The following DNAH14 variants were observed in gnomAD, a reference collection of about 807,000 sequenced individuals.
DNAH14 encodes dynein axonemal heavy chain 14, also known as axonemal beta dynein heavy chain 14.
DNAH14 carries 478 observed loss-of-function variants against 520.9 expected under a neutral mutation model. The ratio of observed to expected loss-of-function variants is 0.92; its 90% CI spans 0.85 to 0.99. DNAH14 has a LOEUF of 0.99. Ranked by LOEUF, DNAH14 falls within the 50% of genes least tolerant of loss-of-function variation. The pLI, the probability that DNAH14 is intolerant of heterozygous loss-of-function variation, is 0.00. For missense variants in DNAH14, 4,831 were observed against 5,234.5 expected (o/e 0.92, Z 2.38); for synonymous variants, 1,581 against 1,757.2 (o/e 0.90, Z 2.51).
chr1:224,979,821 G>T (rs2062133240), intron 8 of DNAH14, among the ~76,000 whole-genome samples: 1 of 152,136 alleles, frequency 6.6e-6, no homozygotes, highest in Non-Finnish European at 1.5e-5. Flanking sequence ...GTAGGAGAGG[G>T]TACCAGGCAG....
At position 225,360,871 on chromosome 1, in the gene DNAH14, G is replaced by C. The variant is rs1558518986; in HGVS notation, c.11967G>C (p.Arg3989Ser). 2.6e-6 allele frequency: 4 copies of C among 1,551,664 alleles called. No homozygotes were observed. Among genetic ancestry groups the C allele is most frequent in the Non-Finnish European group, 2.6e-6 (3 of 1,146,962 alleles). ...NCHLATSFMP[R>S]LCTIVESFNS... ...ATCTTGCAACATCATTTATGCCAAG[G>C]CTTTGCACAATTGTAGAATCGTAAG... Residue 3989 changes from arginine to serine, a missense_variant, in exon 75 of 86, where the codon AGG (arginine) becomes AGC (serine). Coordinates refer to ENST00000682510, the MANE Select transcript of DNAH14 (RefSeq NM_001367479.1).
chr1:225,073,713 G>T (rs575854435), intron 17 of DNAH14, among the ~76,000 whole-genome samples: 66 of 152,150 alleles, frequency 4.3e-4, no homozygotes, highest in Admixed American at 1.4e-3. Flanking sequence ...TTTTGACAGA[G>T]TCTTGCTCTG....
intron 73 of DNAH14, among the ~76,000 whole-genome samples, chr1:225,355,989 T>C (rs1310149038): frequency 6.6e-6 from 1 of 152,214 alleles, no homozygotes; most frequent in African/African-American, 2.4e-5. Context: ...CATAGCATGA[T>C]GTTTTCAAAG....
intron 69 of DNAH14, among the ~76,000 whole-genome samples, chr1:225,341,179 A>G (rs1450765034): frequency 1.3e-5 from 2 of 152,048 alleles, no homozygotes; most frequent in African/African-American, 4.8e-5. Flanking sequence ...ATCTCGGCTC[A>G]CTGCAACCTC....
At position 225,304,894 on chromosome 1, in the gene DNAH14, T is replaced by C. The variant is rs1299617729; in HGVS notation, c.8824-14T>C. ...ATTGCTTTCTCTTAATTCTTAAAAATTATTATTCTTCAGAACTTGAAAGAA... is the reference window on the plus strand; with the variant it reads ...ATTGCTTTCTCTTAATTCTTAAAAACTATTATTCTTCAGAACTTGAAAGAA... On this transcript the variant is annotated splice_polypyrimidine_tract_variant and intron_variant, in intron 57 of 85. Transcript: ENST00000682510. 2.7e-6 allele frequency: 4 copies of C among 1,499,784 alleles called. No homozygotes were observed. The highest frequency in any genetic ancestry group is 3.5e-6 in the Non-Finnish European group (4 of 1,131,304). 92.9% of individuals were successfully genotyped at this position (1,499,784 alleles called of 1,614,324 possible). A position where few individuals can be genotyped will look rare whatever the true frequency, so the allele number is the denominator to read the frequency against.
At chr1:225,258,622 C>A (rs2092823388) in intron 45 of DNAH14, among the ~76,000 whole-genome samples, 2 of 152,168 alleles carry the variant, frequency 1.3e-5, no homozygotes, top group Non-Finnish European at 2.9e-5. Context: ...GTATCATTTT[C>A]CCAGTTCCAT....
At chr1:225,037,904 A>G (rs891032706) in intron 11 of DNAH14, among the ~76,000 whole-genome samples, 1 of 152,050 alleles carries the variant, frequency 6.6e-6, no homozygotes, top group African/African-American at 2.4e-5. Flanking sequence ...CTGGTCTCCC[A>G]ACTCCTGACC....
intron 84 of DNAH14, among the ~76,000 whole-genome samples, chr1:225,395,072 T>C (rs1013790349): frequency 6.6e-6 from 1 of 152,184 alleles, no homozygotes; most frequent in Non-Finnish European, 1.5e-5. Flanking sequence ...GTGGAGTACA[T>C]AGAACTATCT....
At chr1:225,215,943 G>A (rs990654033) in intron 41 of DNAH14, among the ~76,000 whole-genome samples, 1 of 152,136 alleles carries the variant, frequency 6.6e-6, no homozygotes, top group Non-Finnish European at 1.5e-5. Flanking sequence ...TCATTATGAT[G>A]TTAGCTAGTT....
chr1:225,192,037 AT>A (rs1355781234), intron 37 of DNAH14, among the ~76,000 whole-genome samples: 1 of 152,066 alleles, frequency 6.6e-6, no homozygotes, highest in Non-Finnish European at 1.5e-5. Context: ...CAAGCTTAAG[AT>A]GAAAGTTTCA....
At chr1:225,377,158 C>A in intron 78 of DNAH14, 79 bp from the exon 79 acceptor site, 1 of 1,200,798 alleles carries the variant, frequency 8.3e-7, no homozygotes, top group Non-Finnish European at 1.1e-6. Context: ...AAGTAGGTAT[C>A]TTACTCTGGC....
At position 225,381,523 on chromosome 1, in the gene DNAH14, G is replaced by A; in HGVS notation, c.13021G>A (p.Glu4341Lys). 1 of 1,547,492 alleles carries A rather than the reference G, an allele frequency of 6.5e-7. No homozygotes were observed. The highest frequency in any genetic ancestry group is 2.0e-5 in the Admixed American group (1 of 49,646). Residue 4341 changes from glutamate (E) to lysine (K), a missense_variant, in exon 81 of 86, where the codon GAA becomes AAA. By Grantham distance (56) the Glu-to-Lys change is moderately conservative. Transcript: ENST00000682510. ...AIKGEIILTQ[E>K]LEEIFNSFLN... ...AAAAGGAGAGATCATCCTCACCCAA[G>A]AATTGGAGGAAATATTTAACTCTTT...
intron 27 of DNAH14, among the ~76,000 whole-genome samples, chr1:225,133,952 G>A (rs1388522116): frequency 6.6e-6 from 1 of 152,070 alleles, no homozygotes; most frequent in African/African-American, 2.4e-5. Context: ...TCCCTTGTTA[G>A]CTGTAATTCC....
chr1:225,295,685 G>C (rs1179022445), intron 55 of DNAH14, among the ~76,000 whole-genome samples: 1 of 152,164 alleles, frequency 6.6e-6, no homozygotes, highest in Non-Finnish European at 1.5e-5. Context: ...CAGTCATGCA[G>C]AATGTTCCGT....
chr1:225,193,613 G>A (rs535837273), intron 38 of DNAH14, among the ~76,000 whole-genome samples: 36 of 152,182 alleles, frequency 2.4e-4, no homozygotes, highest in Middle Eastern at 3.4e-3. Context: ...GGGAAAAGCT[G>A]GAAGCATTCC....
intron 10 of DNAH14, among the ~76,000 whole-genome samples, chr1:225,019,958 C>T (rs1038458725): frequency 6.6e-6 from 1 of 151,656 alleles, no homozygotes; most frequent in Non-Finnish European, 1.5e-5. Flanking sequence ...ACCAGAAAAA[C>T]AAGAGAAAAC....
chr1:225,177,078 A>T (rs2083413867), intron 36 of DNAH14, among the ~76,000 whole-genome samples: 1 of 152,236 alleles, frequency 6.6e-6, no homozygotes, highest in Non-Finnish European at 1.5e-5. Context: ...CAAAAGCCTG[A>T]TAGCAATATG....
intron 28 of DNAH14, among the ~76,000 whole-genome samples, chr1:225,142,411 C>A (rs1423786670): frequency 6.6e-6 from 1 of 152,184 alleles, no homozygotes; most frequent in Non-Finnish European, 1.5e-5. Flanking sequence ...ACCAAACATA[C>A]TAGCAGCTCA....
chr1:225,076,046 G>GC, intron 17 of DNAH14, among the ~76,000 whole-genome samples: 1 of 151,688 alleles, frequency 6.6e-6, no homozygotes, highest in Non-Finnish European at 1.5e-5. Context: ...GCTGGCATCT[G>GC]CCTTGAGCTT....
Sources: gnomAD v4.1 joint callset for allele counts (sites outside exome capture counted in the v4.1 genomes callset) on GRCh38, gnomAD v4.1.1 for gene constraint, MANE v1.5 for transcripts, NCBI Gene and HGNC (gene_info 2026-07-23, HGNC 2026-07-21) for gene names.